Variants in HPCAL1 observed in about 807,000 individuals in gnomAD.
HPCAL1 encodes hippocalcin like 1.
HPCAL1 carries 8 observed loss-of-function variants against 17.1 expected under a neutral mutation model. The ratio of observed to expected loss-of-function variants is 0.47; its 90% CI spans 0.27 to 0.84. The LOEUF (loss-of-function observed/expected upper bound fraction) is 0.84, where lower values mean the gene tolerates loss of function less well. HPCAL1 is among the 40% of genes least tolerant of loss of function. HPCAL1 has a pLI of 0.13. For missense variants in HPCAL1, 165 were observed against 271.1 expected, an observed-to-expected ratio of 0.61 and a Z score of 2.75; for synonymous variants, 112 against 111.4, an observed-to-expected ratio of 1.01 and a Z score of -0.03.
chr2:10,327,959 C>T lies in HPCAL1; in HGVS notation c.-111+24782C>T, dbSNP rs555683091. On this transcript the variant is annotated intron_variant, in intron 1 of 4. Transcript: ENST00000307845. ...ATATCAGAAGCTTCATGTATAAAGG[C>T]GCATTAGATTTAGTAAGTGTAAAAG... is the stretch of plus-strand genomic sequence containing the variant. Among the ~76,000 whole-genome samples the T allele has an allele frequency of 5.6e-4, 86 of 152,286 alleles. 1 individual carries two copies. The highest frequency in any genetic ancestry group is 1.9e-3 in the African/African-American group (77 of 41,560).
intron 2 of HPCAL1, among the ~76,000 whole-genome samples, chr2:10,399,283 C>CCAT (rs1669319062): frequency 2.0e-5 from 2 of 98,200 alleles, no homozygotes; most frequent in South Asian, 3.6e-4. Flanking sequence ...ACCACCATCA[C>CCAT]CACCACCACC....
intron 1 of HPCAL1, among the ~76,000 whole-genome samples, chr2:10,314,207 T>C (rs989552020): frequency 1.3e-5 from 2 of 151,564 alleles, no homozygotes; most frequent in Admixed American, 1.3e-4. Flanking sequence ...GCAACTGCCA[T>C]CTTAAGAGGC....
At position 10,363,663 on chromosome 2, in the gene HPCAL1, T is replaced by G. The variant is rs916799674; in HGVS notation, c.-110-33172T>G. ...TCCCAGACCTGCTGAAGCCAAATCT[T>G]TAGGGTGGGGCCAGGAATCTGCATT... On this transcript the variant is annotated intron_variant, in intron 1 of 4. Transcript: ENST00000307845. This position sits in a 1 kb window ranked among gnomAD's most constrained non-coding sequence, Gnocchi z 4.7. 6.6e-6 allele frequency among the ~76,000 whole-genome samples: 1 copy of G among 152,158 alleles called. No homozygotes were observed.
chr2:10,357,159 C>G (rs1237896026), intron 1 of HPCAL1, among the ~76,000 whole-genome samples: 1 of 152,134 alleles, frequency 6.6e-6, no homozygotes, highest in Non-Finnish European at 1.5e-5. Context: ...TAGGAGCCTT[C>G]CGTTCCTCCT....
intron 2 of HPCAL1, among the ~76,000 whole-genome samples, chr2:10,418,125 A>T (rs535207462): frequency 1.3e-5 from 2 of 152,164 alleles, no homozygotes; most frequent in South Asian, 4.1e-4. Flanking sequence ...GTACTATAAA[A>T]CCTGGGATGG....
rs1670911183 is a variant in HPCAL1 at position 10,419,695 on chromosome 2, G to A, written c.-24-39G>A. ...GCACATGGCTCAGCCCTGCTCCGTG[G>A]CCGTGGGTGGCGTCCCCGGCTGACC... is the stretch of plus-strand genomic sequence containing the variant. On this transcript the variant is annotated intron_variant, in intron 2 of 4. Transcript: ENST00000307845. This position sits in a 1 kb window ranked among gnomAD's most constrained non-coding sequence, Gnocchi z 5.0. 6.4e-7 allele frequency: 1 copy of A among 1,557,822 alleles called. No homozygotes were observed. Among genetic ancestry groups the A allele is most frequent in the Non-Finnish European group, 8.7e-7 (1 of 1,153,258 alleles).
chr2:10,369,621 G>A (rs953643266), intron 1 of HPCAL1, among the ~76,000 whole-genome samples: 3 of 152,184 alleles, frequency 2.0e-5, no homozygotes, highest in Non-Finnish European at 2.9e-5. Flanking sequence ...AGAGGGAGGT[G>A]GGCTCTGATG....
chr2:10,327,377 GC>G (rs1383863834), intron 1 of HPCAL1, among the ~76,000 whole-genome samples: 1 of 152,162 alleles, frequency 6.6e-6, no homozygotes, highest in Non-Finnish European at 1.5e-5. Context: ...CTTCTTTTGA[GC>G]CCCCTGCCGA....
intron 1 of HPCAL1, among the ~76,000 whole-genome samples, chr2:10,352,613 C>G (rs1313446265): frequency 6.6e-6 from 1 of 152,240 alleles, no homozygotes; most frequent in Non-Finnish European, 1.5e-5. Flanking sequence ...CGTCTGGGAT[C>G]TGGTTCCTTG....
At chr2:10,348,635 C>A (rs372685288) in intron 1 of HPCAL1, among the ~76,000 whole-genome samples, 1 of 151,164 alleles carries the variant, frequency 6.6e-6, no homozygotes, top group African/African-American at 2.4e-5. Flanking sequence ...ATAAATTAGC[C>A]AGGCAGGGTG....
At chr2:10,382,866 C>T (rs1668050451) in intron 1 of HPCAL1, among the ~76,000 whole-genome samples, 1 of 152,248 alleles carries the variant, frequency 6.6e-6, no homozygotes, top group African/African-American at 2.4e-5. Context: ...CCCAGCCACA[C>T]CACAGGGCAC....
At position 10,345,324 on chromosome 2, in the gene HPCAL1, C is replaced by T. The variant is rs1000206622; in HGVS notation, c.-111+42147C>T. ...TTTTTGCCACTTGCTAGCTGGGTGA[C>T]CTTGGGCGGCTTTCAAGTTCCCTTA... On this transcript the variant is annotated intron_variant, in intron 1 of 4. Coordinates refer to ENST00000307845, the MANE Select transcript of HPCAL1 (RefSeq NM_002149.4). Among the ~76,000 whole-genome samples, 8 of 152,244 alleles carry T rather than the reference C, an allele frequency of 5.3e-5. No homozygotes were observed. In the South Asian group the frequency reaches 1.5e-3, roughly 28 times the overall value.
At chr2:10,350,790 TCCAAAGATATACAAGTGG>T (rs1665793934) in intron 1 of HPCAL1, among the ~76,000 whole-genome samples, 1 of 152,176 alleles carries the variant, frequency 6.6e-6, no homozygotes, top group African/African-American at 2.4e-5. Context: ...TAGACGTTTC[TCCAAAGATATACAAGTGG>T]CCAAGAAGCA....
intron 1 of HPCAL1, among the ~76,000 whole-genome samples, chr2:10,326,157 C>T (rs1388108175): frequency 6.6e-6 from 1 of 152,158 alleles, no homozygotes; most frequent in African/African-American, 2.4e-5. Context: ...CAAAGGCATC[C>T]CAGACAGAAT....
chr2:10,391,903 C>A (rs968908892), intron 1 of HPCAL1, among the ~76,000 whole-genome samples: 4 of 152,144 alleles, frequency 2.6e-5, no homozygotes, highest in African/African-American at 9.7e-5. Context: ...CGCGTGCCAC[C>A]ACACCCGGCT....
intron 1 of HPCAL1, among the ~76,000 whole-genome samples, chr2:10,340,263 C>G (rs55638790): frequency 6.6e-6 from 1 of 152,204 alleles, no homozygotes; most frequent in African/African-American, 2.4e-5. Flanking sequence ...CTTTCTTGAA[C>G]GGGAAAGATA....
intron 1 of HPCAL1, among the ~76,000 whole-genome samples, chr2:10,320,377 A>G (rs1011019819): frequency 6.6e-6 from 1 of 152,054 alleles, no homozygotes; most frequent in African/African-American, 2.4e-5. Flanking sequence ...TGTTCTCATG[A>G]TAGTGAGTGA....
chr2:10,319,918 G>C (rs954870516), intron 1 of HPCAL1, among the ~76,000 whole-genome samples: 1 of 152,012 alleles, frequency 6.6e-6, no homozygotes, highest in Admixed American at 6.6e-5. Context: ...TGCAGGTCTG[G>C]GTCTTGAACT....
rs1553353450 is a variant in HPCAL1, at chr2:10,384,027, A to ACACC, written c.-110-12807_-110-12806insACCC. ...GCATATACATCGCGTACACACACAC[A>ACACC]CCCACACACACACACACCTTTTGCT... On this transcript the variant is annotated intron_variant, in intron 1 of 4. Transcript: ENST00000307845. This position sits in a 1 kb window ranked among gnomAD's most constrained non-coding sequence, Gnocchi z 4.4. Among the ~76,000 whole-genome samples, 29 of 20,728 alleles carry ACACC rather than the reference A, an allele frequency of 1.4e-3. No individual in the cohort carries two copies. The East Asian group carries it at 0.045, about 32-fold the overall frequency. The allele number at this position is 20,728 out of a possible 152,430, so 13.6% of individuals were successfully genotyped here. A position where few individuals can be genotyped will look rare whatever the true frequency, so the allele number is the denominator to read the frequency against.
Sources: allele counts gnomAD v4.1 joint callset (sites outside exome capture counted in the v4.1 genomes callset), GRCh38; gene constraint gnomAD v4.1.1; non-coding constraint Gnocchi (gnomAD v3.1); transcripts MANE v1.5; gene names NCBI Gene and HGNC (gene_info 2026-07-23, HGNC 2026-07-21).